BPTF: variants seen among roughly 807,000 people sequenced by gnomAD.
BPTF encodes bromodomain PHD finger transcription factor.
In BPTF, 18 loss-of-function variants were observed where a neutral mutation model predicts 292.5. The ratio of observed to expected loss-of-function variants is 0.06; its 90% CI spans 0.04 to 0.09. BPTF has a LOEUF of 0.09. Among genes scored for constraint, BPTF ranks in the 10% least tolerant of loss-of-function variants. BPTF has a pLI of 1.00. For missense variants in BPTF, 2,726 were observed against 3,498.7 expected, an observed-to-expected ratio of 0.78 and a Z score of 5.57; for synonymous variants, 1,225 against 1,251.9, an observed-to-expected ratio of 0.98 and a Z score of 0.45.
intron 4 of BPTF, among the ~76,000 whole-genome samples, chr17:67,882,473 C>T (rs2060485530): frequency 6.6e-6 from 1 of 152,198 alleles, no homozygotes; most frequent in African/African-American, 2.4e-5. Context: ...TCAGTTCCAG[C>T]AACAGTAATT....
intron 26 of BPTF, among the ~76,000 whole-genome samples, chr17:67,972,380 C>T (rs898177412): frequency 5.3e-5 from 8 of 151,966 alleles, no homozygotes; most frequent in Non-Finnish European, 1.0e-4. Flanking sequence ...GGATTACAGG[C>T]GCCCACCACC....
chr17:67,898,084 G>A (rs1269680006), intron 7 of BPTF, among the ~76,000 whole-genome samples: 1 of 152,164 alleles, frequency 6.6e-6, no homozygotes, highest in African/African-American at 2.4e-5. Flanking sequence ...AGAAGTCAAA[G>A]AAAGGCTGGA....
chr17:67,827,218 G>A (rs1423730801), intron 1 of BPTF, among the ~76,000 whole-genome samples: 2 of 152,154 alleles, frequency 1.3e-5, no homozygotes, highest in Admixed American at 1.3e-4. Flanking sequence ...TGCCGAAGAT[G>A]AACTTCTGGA....
At chr17:67,891,599 A>G (rs2061116527) in intron 4 of BPTF, 1 of 321,390 alleles carries the variant, frequency 3.1e-6, no homozygotes, top group Non-Finnish European at 5.6e-6. Flanking sequence ...GTTTTTAAAC[A>G]GATAACCCAG....
At position 67,908,356 on chromosome 17, in the gene BPTF, A is replaced by G. The variant is rs4791311; in HGVS notation, c.2813-1226A>G. 8.2e-3 allele frequency among the ~76,000 whole-genome samples: 1,251 copies of G among 151,912 alleles called. 11 individuals carry two copies. The highest frequency in any genetic ancestry group is 0.013 in the Non-Finnish European group (850 of 67,952). ...GTATTTTTAGTAGAGATGGGGTTTC[A>G]CCTTGTTGGGCTGGTGTTGAACTCC... On this transcript the variant is annotated intron_variant, in intron 9 of 27. Transcript: ENST00000306378.
intron 7 of BPTF, among the ~76,000 whole-genome samples, chr17:67,903,471 A>G (rs1046718938): frequency 1.3e-5 from 2 of 152,232 alleles, no homozygotes; most frequent in African/African-American, 4.8e-5. Context: ...AAAAGTACAT[A>G]TGTGTGAATA....
chr17:67,905,895 C>T (rs991168366), intron 9 of BPTF, among the ~76,000 whole-genome samples: 25 of 150,816 alleles, frequency 1.7e-4, no homozygotes, highest in African/African-American at 5.9e-4. Context: ...ACACCGGGGC[C>T]TGTCGTGGGG....
intron 11 of BPTF, among the ~76,000 whole-genome samples, chr17:67,917,887 C>G (rs983408302): frequency 6.6e-6 from 1 of 152,306 alleles, no homozygotes; most frequent in African/African-American, 2.4e-5. Context: ...TCTTGGCTCA[C>G]TGAAAGCTAC....
intron 2 of BPTF, among the ~76,000 whole-genome samples, chr17:67,865,602 A>G (rs1393874277): frequency 6.6e-6 from 1 of 152,214 alleles, no homozygotes. Context: ...TCAGTTTGCC[A>G]TTGAGTAAAC....
At chr17:67,877,596 G>A (rs2060126943) in intron 4 of BPTF, among the ~76,000 whole-genome samples, 1 of 152,208 alleles carries the variant, frequency 6.6e-6, no homozygotes, top group East Asian at 1.9e-4. Flanking sequence ...AGATTGGAAA[G>A]CATTTTGGAT....
chr17:67,971,396 T>G (rs559565742), intron 26 of BPTF, among the ~76,000 whole-genome samples: 1 of 151,676 alleles, frequency 6.6e-6, no homozygotes, highest in Non-Finnish European at 1.5e-5. Context: ...GGCTTTTTTT[T>G]AAAAACAATG....
intron 1 of BPTF, among the ~76,000 whole-genome samples, chr17:67,830,731 A>C (rs1176288604): frequency 6.6e-6 from 1 of 152,144 alleles, no homozygotes; most frequent in Non-Finnish European, 1.5e-5. Flanking sequence ...GAGTGTGTGA[A>C]TAGGAAATAA....
At chr17:67,869,914 A>G (rs556018059) in intron 3 of BPTF, among the ~76,000 whole-genome samples, 1 of 149,858 alleles carries the variant, frequency 6.7e-6, no homozygotes, top group South Asian at 2.1e-4. Flanking sequence ...AGGCAAGAGA[A>G]TGGCGTGAAC....
intron 12 of BPTF, 116 bp from the exon 13 acceptor site, chr17:67,919,899 C>A: frequency 1.1e-6 from 1 of 904,018 alleles, no homozygotes; most frequent in Non-Finnish European, 1.7e-6. Context: ...TTAATTAAGT[C>A]AGGTGTTTCC....
chr17:67,852,816 C>T (rs2058488950), intron 1 of BPTF, among the ~76,000 whole-genome samples: 1 of 152,220 alleles, frequency 6.6e-6, no homozygotes, highest in African/African-American at 2.4e-5. Flanking sequence ...TTCTAAAAAT[C>T]CAACCAATTT....
At chr17:67,868,462 A>G (rs1048331942) in intron 3 of BPTF, among the ~76,000 whole-genome samples, 1 of 152,220 alleles carries the variant, frequency 6.6e-6, no homozygotes, top group Non-Finnish European at 1.5e-5. Flanking sequence ...ACCTGCTGAT[A>G]TGAAAAGTTG....
At chr17:67,838,596 C>G (rs865877212) in intron 1 of BPTF, among the ~76,000 whole-genome samples, 2 of 152,202 alleles carry the variant, frequency 1.3e-5, no homozygotes, top group Admixed American at 1.3e-4. Context: ...CTTGCCTCAG[C>G]CTCCAGAGTA....
At chr17:67,856,404 T>C (rs1344237347) in intron 2 of BPTF, among the ~76,000 whole-genome samples, 1 of 152,188 alleles carries the variant, frequency 6.6e-6, no homozygotes, top group Non-Finnish European at 1.5e-5. Context: ...TTTTCTCTCC[T>C]CTGTGCATGG....
chr17:67,842,278 A>G (rs1041964459), intron 1 of BPTF, among the ~76,000 whole-genome samples: 1 of 152,218 alleles, frequency 6.6e-6, no homozygotes. Context: ...CAATGCATGC[A>G]TGATACCTTT....
Sources: allele counts gnomAD v4.1 joint callset (sites outside exome capture counted in the v4.1 genomes callset), GRCh38; gene constraint gnomAD v4.1.1; transcripts MANE v1.5; gene names NCBI Gene and HGNC (gene_info 2026-07-23, HGNC 2026-07-21).